Variants in ADAMTS6 observed in about 807,000 individuals in gnomAD.
ADAMTS6 encodes ADAM metallopeptidase with thrombospondin type 1 motif 6, also known as A disintegrin and metalloproteinase with thrombospondin motifs 6.
Under a neutral mutation model 144.3 loss-of-function variants are expected in ADAMTS6, and 23 were observed. That is an observed-to-expected ratio of 0.16 (90% CI 0.11 to 0.23). The LOEUF (loss-of-function observed/expected upper bound fraction) is 0.23. Ranked by LOEUF, ADAMTS6 falls within the 10% of genes least tolerant of loss-of-function variation. The pLI is 1.00. For missense variants in ADAMTS6, 999 were observed against 1,379.6 expected (o/e 0.72, Z 4.37); for synonymous variants, 444 against 457.5 (o/e 0.97, Z 0.38).
At chr5:65,427,000 T>G (rs1756588343) in intron 7 of ADAMTS6, among the ~76,000 whole-genome samples, 1 of 152,120 alleles carries the variant, frequency 6.6e-6, no homozygotes, top group African/African-American at 2.4e-5. Context: ...GCTGAAAGAT[T>G]GAGGTTGTCA....
At chr5:65,363,541 A>C in intron 7 of ADAMTS6, among the ~76,000 whole-genome samples, 1 of 152,174 alleles carries the variant, frequency 6.6e-6, no homozygotes, top group Non-Finnish European at 1.5e-5. Flanking sequence ...TATCAAAGAA[A>C]ACATTTACTT....
chr5:65,468,719 C>T (rs1580782241), intron 3 of ADAMTS6, among the ~76,000 whole-genome samples: 1 of 152,274 alleles, frequency 6.6e-6, no homozygotes. Context: ...GAATAGGTGA[C>T]ATTTTGTCAT....
chr5:65,168,489 C>T (rs1753364549), intron 24 of ADAMTS6, among the ~76,000 whole-genome samples: 1 of 136,286 alleles, frequency 7.3e-6, no homozygotes, highest in Non-Finnish European at 1.6e-5. Context: ...AATGCCATCC[C>T]CATCAAGCTA....
chr5:65,256,263 GA>G (rs1760652043), intron 14 of ADAMTS6: 1 of 152,182 alleles, frequency 6.6e-6, no homozygotes, highest in African/African-American at 2.4e-5. Flanking sequence ...TATCGGGCTG[GA>G]CAGTGCACAC....
At chr5:65,311,842 T>C (rs928777983) in intron 9 of ADAMTS6, among the ~76,000 whole-genome samples, 3 of 152,170 alleles carry the variant, frequency 2.0e-5, no homozygotes, top group East Asian at 1.9e-4. Context: ...ATAACAGATG[T>C]TTTCAAACCA....
intron 7 of ADAMTS6, among the ~76,000 whole-genome samples, chr5:65,380,809 T>C (rs1038631642): frequency 3.3e-5 from 5 of 152,202 alleles, no homozygotes; most frequent in East Asian, 1.9e-4. Flanking sequence ...TTTTTTACTA[T>C]TGAAGATATT....
chr5:65,288,880 C>A (rs1377104279), intron 11 of ADAMTS6, among the ~76,000 whole-genome samples: 1 of 152,174 alleles, frequency 6.6e-6, no homozygotes, highest in Non-Finnish European at 1.5e-5. Context: ...ACCTTTGAAG[C>A]CACTATTGTT....
At chr5:65,460,085 T>C in intron 4 of ADAMTS6, 85 bp downstream of exon 4, 1 of 1,433,894 alleles carries the variant, frequency 7.0e-7, no homozygotes, top group Non-Finnish European at 9.3e-7. Context: ...CTTCCTTTTA[T>C]TGCTAACCTT....
At chr5:65,427,675 G>A (rs1374753578) in intron 7 of ADAMTS6, among the ~76,000 whole-genome samples, 1 of 151,752 alleles carries the variant, frequency 6.6e-6, no homozygotes, top group Non-Finnish European at 1.5e-5. Flanking sequence ...GCGGGTGCCT[G>A]TAGTCCCAGC....
chr5:65,231,656 T>C (rs1335376455), intron 15 of ADAMTS6, among the ~76,000 whole-genome samples: 1 of 152,122 alleles, frequency 6.6e-6, no homozygotes, highest in Non-Finnish European at 1.5e-5. Flanking sequence ...ACATTTAAGA[T>C]TGAAATCATA....
At chr5:65,282,756 G>A (rs995744498) in intron 11 of ADAMTS6, among the ~76,000 whole-genome samples, 1 of 151,956 alleles carries the variant, frequency 6.6e-6, no homozygotes, top group East Asian at 1.9e-4. Flanking sequence ...TTGGTCAGCT[G>A]TACCTTCCAA....
Position 65,397,876 on chromosome 5 carries a change from T to TAAA in ADAMTS6, c.1073+53596_1073+53598dup, listed in dbSNP as rs34170790. Among the ~76,000 whole-genome samples the TAAA allele has an allele frequency of 2.8e-3, 344 of 121,672 alleles. 1 individual carries two copies. Among genetic ancestry groups the TAAA allele is most frequent in the African/African-American group, 4.7e-3 (151 of 32,106 alleles). The allele number at this position is 121,672 out of a possible 152,430, so 79.8% of individuals were successfully genotyped here. On this transcript the variant is annotated intron_variant, in intron 7 of 24. Transcript: ENST00000381055. The stretch of plus-strand genomic sequence containing the variant: ...TCAGTGACAGAGTAAGACCCTGTCT[T>TAAA]AAAAAAAAAAAAAAAAAAAAAGTAT...
intron 7 of ADAMTS6, among the ~76,000 whole-genome samples, chr5:65,364,066 C>T (rs569960275): frequency 6.6e-6 from 1 of 152,280 alleles, no homozygotes; most frequent in South Asian, 2.1e-4. Flanking sequence ...TTGATAAGGA[C>T]TCTAGTGTCC....
chr5:65,334,955 T>G (rs1317728949), intron 7 of ADAMTS6, among the ~76,000 whole-genome samples: 1 of 152,182 alleles, frequency 6.6e-6, no homozygotes, highest in Non-Finnish European at 1.5e-5. Context: ...TGCCTCTGTT[T>G]TATGCTAGAA....
intron 10 of ADAMTS6, among the ~76,000 whole-genome samples, chr5:65,293,375 T>A (rs988149430): frequency 1.3e-4 from 20 of 152,062 alleles, no homozygotes; most frequent in Non-Finnish European, 2.2e-4. Context: ...AGGCAAAAAA[T>A]ATTTACAATG....
At chr5:65,354,925 G>A (rs1337877826) in intron 7 of ADAMTS6, among the ~76,000 whole-genome samples, 3 of 151,666 alleles carry the variant, frequency 2.0e-5, no homozygotes, top group South Asian at 2.1e-4. Flanking sequence ...ATGAAGTGTC[G>A]GGAAAGGTAT....
intron 14 of ADAMTS6, among the ~76,000 whole-genome samples, chr5:65,243,740 C>T (rs1759400125): frequency 1.3e-5 from 2 of 151,948 alleles, no homozygotes; most frequent in Admixed American, 1.3e-4. Flanking sequence ...TTAGTGAATC[C>T]CACACAAGGA....
At chr5:65,213,837 C>T (rs1561286260) in intron 20 of ADAMTS6, among the ~76,000 whole-genome samples, 1 of 152,102 alleles carries the variant, frequency 6.6e-6, no homozygotes, top group Non-Finnish European at 1.5e-5. Context: ...GGATGATTTA[C>T]TTTATTTTAA....
chr5:65,371,666 A>G (rs537570504), intron 7 of ADAMTS6, among the ~76,000 whole-genome samples: 18,239 of 151,754 alleles, frequency 0.12, 1,223 homozygotes, highest in African/African-American at 0.18. Context: ...GAAAGTGACG[A>G]GGAGAATGGA....
Sources: allele counts gnomAD v4.1 joint callset (sites outside exome capture counted in the v4.1 genomes callset), GRCh38; gene constraint gnomAD v4.1.1; transcripts MANE v1.5; gene names NCBI Gene and HGNC (gene_info 2026-07-23, HGNC 2026-07-21).